ARHGAP29: variants seen among roughly 807,000 people sequenced by gnomAD.
ARHGAP29 encodes rho GTPase-activating protein 29.
In ARHGAP29, 43 loss-of-function variants were observed where a neutral mutation model predicts 122.6. The observed-to-expected ratio is 0.35, with a 90% CI of 0.27 to 0.45. ARHGAP29 has a LOEUF of 0.45. Among genes scored for constraint, ARHGAP29 ranks in the 20% least tolerant of loss-of-function variants. ARHGAP29 has a pLI of 1.00. For missense variants in ARHGAP29, 1,303 were observed against 1,477.2 expected, an observed-to-expected ratio of 0.88 and a Z score of 1.93; for synonymous variants, 506 against 497.1, an observed-to-expected ratio of 1.02 and a Z score of -0.24.
chr1:94,231,507 A>G lies in ARHGAP29; in HGVS notation c.105T>C (p.Ser35=). Residue 35 remains serine (S), a synonymous_variant, in exon 2 of 23, where the codon AGT becomes AGC. Coordinates refer to ENST00000260526, the MANE Select transcript of ARHGAP29 (RefSeq NM_004815.4). The part of the protein sequence containing the change: ...TTSEMGLKSL[S]SNSIFDPDYI... Reference sequence around the variant, plus strand: ...AATCCGGATCAAAAATAGAGTTGGAACTTAAGGACTTGAGCCCCATTTCAG... The same window carrying G: ...AATCCGGATCAAAAATAGAGTTGGAGCTTAAGGACTTGAGCCCCATTTCAG... 6.2e-7 allele frequency: 1 copy of G among 1,613,868 alleles called. No individual in the cohort carries two copies. Among genetic ancestry groups the G allele is most frequent in the Non-Finnish European group, 8.5e-7 (1 of 1,179,770 alleles).
chr1:94,253,096 G>A (rs1442375638), intron 1 of ARHGAP29, among the ~76,000 whole-genome samples: 1 of 151,826 alleles, frequency 6.6e-6, no homozygotes, highest in African/African-American at 2.4e-5. Flanking sequence ...TCAGCCTCCT[G>A]AGTAGCTGGG....
In ARHGAP29 at chr1:94,188,961, G is replaced by A. The variant is rs766338998; in HGVS notation, c.1577-20C>T. On this transcript the variant is annotated intron_variant, in intron 14 of 22. Transcript: ENST00000260526. ...AAGGACCTTTAATAAAAAGAATAAA[G>A]TCAAAACTTGGCTACAGGTAGATTT... 1.2e-6 allele frequency: 2 copies of A among 1,602,820 alleles called. No homozygotes were observed. Among genetic ancestry groups the A allele is most frequent in the Non-Finnish European group, 1.7e-6 (2 of 1,171,972 alleles).
the ARHGAP29 span, among the ~76,000 whole-genome samples, chr1:94,282,580 A>C: frequency 1.3e-5 from 2 of 152,152 alleles, no homozygotes; most frequent in South Asian, 4.1e-4. Context: ...AGGCATGACC[A>C]CACGTGGTCA....
chr1:94,217,140 T>C (rs1261720931), intron 3 of ARHGAP29, among the ~76,000 whole-genome samples: 1 of 152,196 alleles, frequency 6.6e-6, no homozygotes, highest in African/African-American at 2.4e-5. Context: ...TTTTTTTCTA[T>C]TGTTTGGTAG....
At chr1:94,176,389 G>A (rs1317569672) in intron 22 of ARHGAP29, among the ~76,000 whole-genome samples, 1 of 152,184 alleles carries the variant, frequency 6.6e-6, no homozygotes, top group African/African-American at 2.4e-5. Context: ...TCATGGGATA[G>A]CCACAAAGGT....
chr1:94,300,607 A>C, the ARHGAP29 span, among the ~76,000 whole-genome samples: 1 of 152,192 alleles, frequency 6.6e-6, no homozygotes, highest in Non-Finnish European at 1.5e-5. Flanking sequence ...CATAGAATGT[A>C]ATACAATTTT....
chr1:94,296,349 A>T, the ARHGAP29 span, among the ~76,000 whole-genome samples: 1 of 152,214 alleles, frequency 6.6e-6, no homozygotes, highest in East Asian at 1.9e-4. Flanking sequence ...TTCACTTAAT[A>T]ATGGCACCAA....
At chr1:94,257,112 A>G (rs1176781733) in intron 1 of ARHGAP29, among the ~76,000 whole-genome samples, 3 of 152,072 alleles carry the variant, frequency 2.0e-5, no homozygotes, top group Non-Finnish European at 4.4e-5. Context: ...CACTTCAAGA[A>G]TCTTGGCTGG....
intron 2 of ARHGAP29, among the ~76,000 whole-genome samples, chr1:94,220,664 T>C (rs1388067052): frequency 6.6e-6 from 1 of 152,202 alleles, no homozygotes; most frequent in Non-Finnish European, 1.5e-5. Context: ...AATCTTAATA[T>C]GTGCTCCAGA....
At chr1:94,286,799 A>G in the ARHGAP29 span, among the ~76,000 whole-genome samples, 1 of 152,212 alleles carries the variant, frequency 6.6e-6, no homozygotes, top group African/African-American at 2.4e-5. Context: ...GAAGTCAAAG[A>G]TGATCTCAGA....
chr1:94,274,235 T>A (rs573732815), intron 1 of ARHGAP29, among the ~76,000 whole-genome samples: 1 of 152,302 alleles, frequency 6.6e-6, no homozygotes, highest in South Asian at 2.1e-4. Context: ...AACTACCAAC[T>A]CTGTTGTCGT....
chr1:94,175,291 T>A (rs1649021068), intron 22 of ARHGAP29, among the ~76,000 whole-genome samples: 1 of 152,228 alleles, frequency 6.6e-6, no homozygotes, highest in South Asian at 2.1e-4. Context: ...GAAGGCTGAA[T>A]GCTTTTAAGT....
intron 22 of ARHGAP29, 27 bp from the exon 23 acceptor site, chr1:94,174,776 T>C: frequency 6.2e-7 from 1 of 1,601,910 alleles, no homozygotes; most frequent in Non-Finnish European, 8.5e-7. Context: ...TCTATTTAAG[T>C]TTGTGGCACA....
At chr1:94,203,552 T>C (rs1003002408) in intron 8 of ARHGAP29, among the ~76,000 whole-genome samples, 2 of 152,102 alleles carry the variant, frequency 1.3e-5, no homozygotes, top group Non-Finnish European at 1.5e-5. Context: ...CTAGGCAACA[T>C]GGTGAAACCC....
At chr1:94,228,019 T>A (rs945637313) in intron 2 of ARHGAP29, among the ~76,000 whole-genome samples, 2 of 151,764 alleles carry the variant, frequency 1.3e-5, no homozygotes, top group Non-Finnish European at 3.0e-5. Flanking sequence ...GGAGGTTAAG[T>A]AGTGGAAAGA....
At chr1:94,286,023 G>T in the ARHGAP29 span, among the ~76,000 whole-genome samples, 1 of 152,088 alleles carries the variant, frequency 6.6e-6, no homozygotes, top group Non-Finnish European at 1.5e-5. Context: ...TAGTCAGCGT[G>T]GGCTTCCCTA....
chr1:94,269,573 A>G (rs1411868540), intron 1 of ARHGAP29, among the ~76,000 whole-genome samples: 1 of 139,484 alleles, frequency 7.2e-6, no homozygotes, highest in Non-Finnish European at 1.6e-5. Flanking sequence ...TATTATTATT[A>G]CTATTAATAT....
chr1:94,268,949 A>C (rs1284842935), intron 1 of ARHGAP29, among the ~76,000 whole-genome samples: 3 of 152,186 alleles, frequency 2.0e-5, no homozygotes, highest in African/African-American at 7.2e-5. Flanking sequence ...ATACATATAT[A>C]ATATGCATAT....
intron 1 of ARHGAP29, among the ~76,000 whole-genome samples, chr1:94,259,453 G>A (rs1478441875): frequency 6.6e-6 from 1 of 152,214 alleles, no homozygotes; most frequent in East Asian, 1.9e-4. Flanking sequence ...AGCTTGTTTG[G>A]AAATAGGGTC....
Sources: allele counts gnomAD v4.1 joint callset (sites outside exome capture counted in the v4.1 genomes callset), GRCh38; gene constraint gnomAD v4.1.1; transcripts MANE v1.5; gene names NCBI Gene and HGNC (gene_info 2026-07-23, HGNC 2026-07-21).